IL36G: variants seen among roughly 807,000 people sequenced by gnomAD.
The protein encoded by IL36G is interleukin 36 gamma, also known as interleukin-36 gamma.
Under a neutral mutation model 13.5 loss-of-function variants are expected in IL36G, and 10 were observed. The observed-to-expected ratio is 0.74, with a 90% CI of 0.46 to 1.26. The LOEUF is 1.26. Among genes scored for constraint, IL36G ranks in the 50% most tolerant of loss-of-function variants. IL36G has a pLI of 0.00. For synonymous variants in IL36G, 84 were observed against 74.0 expected (o/e 1.13, Z -0.69); for missense variants, 199 against 203.0 (o/e 0.98, Z 0.12).
chr2:112,979,937 T>C (rs1684233864), intron 3 of IL36G, 72 bp from the exon 4 acceptor site: 4 of 1,491,168 alleles, frequency 2.7e-6, no homozygotes, highest in Non-Finnish European at 1.8e-6. Context: ...TTGAGGATAC[T>C]GCCCTGCTAA....
intron 2 of IL36G, 152 bp downstream of exon 2, chr2:112,978,845 G>C (rs1684212338): frequency 1.3e-6 from 1 of 758,278 alleles, no homozygotes; most frequent in African/African-American, 1.7e-5. Context: ...CTGGGCTTCT[G>C]GAGGGTGGGA....
Position 112,979,254 on chromosome 2 carries a change from T to G in IL36G, c.89T>G (p.Leu30Trp), listed in dbSNP as rs867858995. Residue 30 changes from leucine to tryptophan, a missense_variant, in exon 3 of 5, where the codon TTG (leucine) becomes TGG (tryptophan). Transcript: ENST00000259205. ...CCTATTACTGGGACTATTAATGATT[T>G]GAATCAGCAAGTGTGGACCCTTCAG... is the stretch of plus-strand genomic sequence containing the variant. ...CKPITGTIND[L>W]NQQVWTLQGQ... The G allele has an allele frequency of 1.9e-6, 3 of 1,612,684 alleles. No individual in the cohort carries two copies. The highest frequency in any genetic ancestry group is 1.7e-4 in the Middle Eastern group (1 of 6,060).
chr2:112,981,723 G>A (rs914995482), intron 4 of IL36G, among the ~76,000 whole-genome samples: 3 of 151,994 alleles, frequency 2.0e-5, no homozygotes, highest in Admixed American at 2.0e-4. Context: ...AAATTTTGGT[G>A]TTGCATCTGG....
At position 112,979,284 on chromosome 2, in the gene IL36G, A is replaced by G. The variant is rs769178031; in HGVS notation, c.119A>G (p.Gln40Arg). The G allele has an allele frequency of 1.9e-6, 3 of 1,613,578 alleles. No individual in the cohort carries two copies. The highest frequency in any genetic ancestry group is 3.3e-5 in the Admixed American group (2 of 60,030). Residue 40 changes from glutamine to arginine, a missense_variant, in exon 3 of 5, where the codon CAG (glutamine) becomes CGG (arginine). Gln to Arg is a conservative substitution (Grantham distance 43). Transcript: ENST00000259205. ...LNQQVWTLQG[Q>R]NLVAVPRSDS... ...CAGCAAGTGTGGACCCTTCAGGGTC[A>G]GAACCTTGTGGCAGTTCCACGAAGT...
In IL36G at chr2:112,979,320, C is replaced by A; in HGVS notation, c.155C>A (p.Thr52Asn). The A allele has an allele frequency of 1.3e-6, 2 of 1,597,982 alleles. No individual in the cohort carries two copies. The highest frequency in any genetic ancestry group is 1.7e-6 in the Non-Finnish European group (2 of 1,165,326). ...GCAGTTCCACGAAGTGACAGTGTGA[C>A]CCCAGGTGAGTGGTCACCCTGTGCC... Reference protein sequence around the residue: ...LVAVPRSDSVTPVTVAVITCK... With the variant: ...LVAVPRSDSVNPVTVAVITCK... Residue 52 changes from threonine (T) to asparagine (N), a missense_variant, in exon 3 of 5, where the codon ACC becomes AAC. Physicochemically the swap from Thr to Asn is moderately conservative, Grantham distance 65. Coordinates refer to ENST00000259205, the MANE Select transcript of IL36G (RefSeq NM_019618.4).
rs1296990338 is a variant in IL36G, at chr2:112,979,325, G to A, written c.160G>A (p.Val54Ile). The A allele has an allele frequency of 2.5e-6, 4 of 1,572,694 alleles. No homozygotes were observed. The highest frequency in any genetic ancestry group is 1.3e-5 in the African/African-American group (1 of 74,102). ...TCCACGAAGTGACAGTGTGACCCCAGGTGAGTGGTCACCCTGTGCCTTCCC... is the reference window on the plus strand; with the variant it reads ...TCCACGAAGTGACAGTGTGACCCCAAGTGAGTGGTCACCCTGTGCCTTCCC... ...AVPRSDSVTP[V>I]TVAVITCKYP... The change falls in exon 3 of 5, where the codon GTC becomes ATC. Residue 54 changes from valine (V) to isoleucine (I), a missense_variant and splice_region_variant. By Grantham distance (29) the Val-to-Ile change is conservative. Coordinates refer to ENST00000259205, the MANE Select transcript of IL36G (RefSeq NM_019618.4).
In IL36G at chr2:112,980,036, A is replaced by G; in HGVS notation, c.188A>G (p.Tyr63Cys). The change falls in exon 4 of 5, where the codon TAT becomes TGT. Residue 63 changes from tyrosine to cysteine, a missense_variant. Transcript: ENST00000259205. The part of the protein sequence containing the change: ...PVTVAVITCK[Y>C]PEALEQGRGD... ...ACTGTTGCTGTTATCACATGCAAGTATCCAGAGGCTCTTGAGCAAGGCAGA... is the reference window on the plus strand; with the variant it reads ...ACTGTTGCTGTTATCACATGCAAGTGTCCAGAGGCTCTTGAGCAAGGCAGA... The G allele has an allele frequency of 1.9e-6, 3 of 1,613,874 alleles. No individual in the cohort carries two copies. Among genetic ancestry groups the G allele is most frequent in the Non-Finnish European group, 2.5e-6 (3 of 1,179,774 alleles).
At chr2:112,984,716 C>A in intron 4 of IL36G, 124 bp from the exon 5 acceptor site, 1 of 779,388 alleles carries the variant, frequency 1.3e-6, no homozygotes, top group South Asian at 1.8e-5. Context: ...TTTCTCTAGG[C>A]CTGCTCTAAT....
chr2:112,980,269 C>G (rs1344390674), intron 4 of IL36G, 121 bp downstream of exon 4: 4 of 855,470 alleles, frequency 4.7e-6, no homozygotes, highest in African/African-American at 1.7e-5. Context: ...TTCCCAGCCT[C>G]TTTTAAGTTA....
intron 3 of IL36G, among the ~76,000 whole-genome samples, 156 bp from the exon 4 acceptor site, chr2:112,979,853 A>G (rs1684232752): frequency 6.6e-6 from 1 of 152,032 alleles, no homozygotes; most frequent in Non-Finnish European, 1.5e-5. Flanking sequence ...GAATGAATGA[A>G]TGAATGAATA....
intron 4 of IL36G, among the ~76,000 whole-genome samples, chr2:112,984,333 T>C (rs1279270044): frequency 6.6e-6 from 1 of 152,234 alleles, no homozygotes; most frequent in African/African-American, 2.4e-5. Flanking sequence ...CCTTCTTCCT[T>C]TGATACAAAT....
chr2:112,979,568 A>T lies in IL36G; in HGVS notation c.160+243A>T, dbSNP rs559161173. Reference sequence around the variant, plus strand: ...TGTCAGTCATCTGAAGCCCTGTCTTATGGAAGACTAGTAGCTTGTTCTGCA... The same window carrying T: ...TGTCAGTCATCTGAAGCCCTGTCTTTTGGAAGACTAGTAGCTTGTTCTGCA... On this transcript the variant is annotated intron_variant, in intron 3 of 4. Transcript: ENST00000259205. 6.6e-5 allele frequency among the ~76,000 whole-genome samples: 10 copies of T among 152,330 alleles called. No individual in the cohort carries two copies. In the East Asian group the frequency reaches 1.9e-3, roughly 29 times the overall value.
chr2:112,981,267 T>G, intron 4 of IL36G: 1 of 1,391,214 alleles, frequency 7.2e-7, no homozygotes, highest in Non-Finnish European at 1.0e-6. Flanking sequence ...GCTTTTCCCT[T>G]TTTCCCTTTG....
chr2:112,979,910 C>G (rs1684233568), intron 3 of IL36G, 99 bp from the exon 4 acceptor site: 1 of 1,196,694 alleles, frequency 8.4e-7, no homozygotes, highest in Non-Finnish European at 1.2e-6. Context: ...CACTCTTCAG[C>G]TCTCTTCCAG....
intron 4 of IL36G, chr2:112,981,491 G>T (rs1181646110): frequency 3.5e-6 from 2 of 578,458 alleles, no homozygotes; most frequent in Admixed American, 2.9e-5. Context: ...GCATTGTGCG[G>T]GTTTTGGTCA....
intron 4 of IL36G, chr2:112,981,019 A>C: frequency 1.7e-6 from 1 of 591,756 alleles, no homozygotes; most frequent in Non-Finnish European, 3.0e-6. Context: ...CCCTAAAAAC[A>C]ACAATGAAGT....
At chr2:112,981,572 T>A in intron 4 of IL36G, 2 of 377,320 alleles carry the variant, frequency 5.3e-6, no homozygotes, top group Non-Finnish European at 9.7e-6. Context: ...TTCTTGGCCA[T>A]CATTTCTTCA....
chr2:112,980,542 A>G (rs1472731520), intron 4 of IL36G, among the ~76,000 whole-genome samples: 1 of 152,226 alleles, frequency 6.6e-6, no homozygotes, highest in Non-Finnish European at 1.5e-5. Context: ...CTGAACAGGG[A>G]GAGTTTAGAG....
chr2:112,981,099 T>TA (rs1376298984), intron 4 of IL36G: 15 of 785,300 alleles, frequency 1.9e-5, no homozygotes, highest in African/African-American at 1.9e-4. Flanking sequence ...TAAAACTTGA[T>TA]AAAAAATAGT....
Sources: gnomAD v4.1 joint callset for allele counts (sites outside exome capture counted in the v4.1 genomes callset) on GRCh38, gnomAD v4.1.1 for gene constraint, MANE v1.5 for transcripts, NCBI Gene and HGNC (gene_info 2026-07-23, HGNC 2026-07-21) for gene names.